The following AGMO variants were observed in gnomAD, a reference collection of about 807,000 sequenced individuals.
The protein encoded by AGMO is glyceryl-ether monooxygenase.
AGMO carries 75 observed loss-of-function variants against 60.2 expected under a neutral mutation model. The observed-to-expected ratio is 1.25, with a 90% CI of 1.03 to 1.51. The LOEUF (loss-of-function observed/expected upper bound fraction) is 1.51. AGMO is among the 40% of genes most tolerant of loss of function. The probability of loss-of-function intolerance (pLI) is 0.00; values close to 1 mark genes in which losing one functional copy is unlikely to be tolerated. For synonymous variants in AGMO, 261 were observed against 177.1 expected, an observed-to-expected ratio of 1.47 and a Z score of -3.76; for missense variants, 763 against 525.5, an observed-to-expected ratio of 1.45 and a Z score of -4.42.
At chr7:15,540,256 G>T (rs1389170371) in intron 3 of AGMO, among the ~76,000 whole-genome samples, 1 of 152,138 alleles carries the variant, frequency 6.6e-6, no homozygotes, top group African/African-American at 2.4e-5. Context: ...GCTACCACTG[G>T]AACTCTGTTG....
At chr7:15,164,591 C>A in the AGMO span, among the ~76,000 whole-genome samples, 1 of 151,986 alleles carries the variant, frequency 6.6e-6, no homozygotes, top group Non-Finnish European at 1.5e-5. Flanking sequence ...TCTTAAAAGA[C>A]AGACAAGCAG....
intron 12 of AGMO, among the ~76,000 whole-genome samples, chr7:15,364,023 G>A (rs1481768693): frequency 6.6e-6 from 1 of 151,710 alleles, no homozygotes; most frequent in Non-Finnish European, 1.5e-5. Flanking sequence ...GAAACAAAAT[G>A]AACATACACA....
At chr7:15,308,102 C>T (rs1345761186) in intron 12 of AGMO, among the ~76,000 whole-genome samples, 1 of 152,020 alleles carries the variant, frequency 6.6e-6, no homozygotes, top group Non-Finnish European at 1.5e-5. Context: ...TGCCAGGAAA[C>T]ATTTCCAAAA....
intron 2 of AGMO, among the ~76,000 whole-genome samples, chr7:15,551,207 T>C (rs948386669): frequency 6.6e-6 from 1 of 152,028 alleles, no homozygotes; most frequent in African/African-American, 2.4e-5. Context: ...CCACAGCCAA[T>C]ATCATACTGA....
chr7:15,511,497 A>AT, intron 3 of AGMO, among the ~76,000 whole-genome samples: 1 of 152,270 alleles, frequency 6.6e-6, no homozygotes, highest in East Asian at 1.9e-4. Context: ...GGGCAGAGGA[A>AT]TGGGGAGATG....
In AGMO at chr7:15,407,059, A is replaced by G. The variant is rs1784722256; in HGVS notation, c.609+11499T>C. ...TACACACATATATATGAATATACAT[A>G]TATATGTATTCCATATGTGTATATA... On this transcript the variant is annotated intron_variant, in intron 5 of 12. Transcript: ENST00000342526. 2.1e-5 allele frequency among the ~76,000 whole-genome samples: 3 copies of G among 144,466 alleles called. No homozygotes were observed. The South Asian group carries it at 6.4e-4, about 31-fold the overall frequency. The allele number at this position is 144,466 out of a possible 152,430, so 94.8% of individuals were successfully genotyped here.
chr7:15,162,072 A>T, the AGMO span, among the ~76,000 whole-genome samples: 2 of 151,982 alleles, frequency 1.3e-5, no homozygotes, highest in Non-Finnish European at 2.9e-5. Flanking sequence ...TGAGTGAGTT[A>T]CCTTGAGATC....
At chr7:15,244,158 T>G (rs1000424460) in intron 12 of AGMO, among the ~76,000 whole-genome samples, 1 of 148,058 alleles carries the variant, frequency 6.8e-6, no homozygotes, top group African/African-American at 2.4e-5. Flanking sequence ...AAAATGCATA[T>G]ATATAATTTA....
intron 4 of AGMO, among the ~76,000 whole-genome samples, chr7:15,422,439 G>A (rs1018745669): frequency 2.6e-5 from 4 of 152,020 alleles, no homozygotes; most frequent in South Asian, 4.2e-4. Context: ...TTAGACCAAC[G>A]GAAGAGAGGT....
At chr7:15,274,288 T>A (rs1417956565) in intron 12 of AGMO, among the ~76,000 whole-genome samples, 1 of 152,126 alleles carries the variant, frequency 6.6e-6, no homozygotes, top group Non-Finnish European at 1.5e-5. Flanking sequence ...TTGAGATATG[T>A]CTCATCAATA....
At chr7:15,477,969 T>G (rs549313873) in intron 3 of AGMO, among the ~76,000 whole-genome samples, 3 of 152,248 alleles carry the variant, frequency 2.0e-5, no homozygotes, top group Admixed American at 2.0e-4. Context: ...TTTTCTTACT[T>G]GTAGAGAATC....
At chr7:15,191,354 TAA>T in the AGMO span, among the ~76,000 whole-genome samples, 1 of 152,154 alleles carries the variant, frequency 6.6e-6, no homozygotes. Context: ...AGGTTGCACA[TAA>T]TCCCCCTAGG....
intron 10 of AGMO, among the ~76,000 whole-genome samples, chr7:15,382,736 C>T (rs1404444721): frequency 2.6e-5 from 4 of 152,042 alleles, no homozygotes; most frequent in Admixed American, 6.6e-5. Flanking sequence ...TGCCATATTC[C>T]GGACAAATTT....
At chr7:15,521,027 C>A (rs1261286396) in intron 3 of AGMO, among the ~76,000 whole-genome samples, 1 of 152,040 alleles carries the variant, frequency 6.6e-6, no homozygotes, top group Non-Finnish European at 1.5e-5. Flanking sequence ...ACCACTGATC[C>A]CACAGAAATA....
At chr7:15,167,469 A>G in the AGMO span, among the ~76,000 whole-genome samples, 175 of 152,254 alleles carry the variant, frequency 1.1e-3, 1 homozygote, top group Non-Finnish European at 1.5e-4. Context: ...GTAGACTGCA[A>G]CAAAAAACCA....
the AGMO span, among the ~76,000 whole-genome samples, chr7:15,133,435 G>A: frequency 6.6e-6 from 1 of 152,234 alleles, no homozygotes; most frequent in African/African-American, 2.4e-5. Context: ...ACGGATCATG[G>A]ACTCTAAGGA....
chr7:15,240,649 T>A (rs1182449154), intron 12 of AGMO, among the ~76,000 whole-genome samples: 1 of 152,128 alleles, frequency 6.6e-6, no homozygotes, highest in Non-Finnish European at 1.5e-5. Flanking sequence ...ACTTTTACAA[T>A]CACTCTCTCA....
chr7:15,180,719 A>G, the AGMO span, among the ~76,000 whole-genome samples: 6 of 152,156 alleles, frequency 3.9e-5, no homozygotes, highest in South Asian at 2.1e-4. Context: ...CTGTTTCCAC[A>G]TTTGCAGGTG....
At chr7:15,437,948 C>G (rs1345830552) in intron 3 of AGMO, among the ~76,000 whole-genome samples, 4 of 152,102 alleles carry the variant, frequency 2.6e-5, no homozygotes, top group African/African-American at 9.7e-5. Flanking sequence ...CTATACCTTC[C>G]CTTTATTCTA....
Sources: allele counts gnomAD v4.1 joint callset (sites outside exome capture counted in the v4.1 genomes callset), GRCh38; gene constraint gnomAD v4.1.1; transcripts MANE v1.5; gene names NCBI Gene and HGNC (gene_info 2026-07-23, HGNC 2026-07-21).